Variants in CDH12 observed in about 807,000 individuals in gnomAD.
CDH12 encodes the protein cadherin-12.
Under a neutral mutation model 74.1 loss-of-function variants are expected in CDH12, and 41 were observed. That is an observed-to-expected ratio of 0.55 (90% CI 0.43 to 0.72). The LOEUF (loss-of-function observed/expected upper bound fraction) is 0.72, where lower values mean the gene tolerates loss of function less well. Ranked by LOEUF, CDH12 falls within the 30% of genes least tolerant of loss-of-function variation. The probability of loss-of-function intolerance (pLI) is 0.00; values close to 1 mark genes in which losing one functional copy is unlikely to be tolerated. For synonymous variants in CDH12, 399 were observed against 355.0 expected (o/e 1.12, Z -1.39); for missense variants, 945 against 977.2 (o/e 0.97, Z 0.44).
chr5:22,512,826 G>C (rs1040977046), intron 1 of CDH12, among the ~76,000 whole-genome samples: 1 of 152,142 alleles, frequency 6.6e-6, no homozygotes, highest in South Asian at 2.1e-4. Context: ...ACTTTGGGAG[G>C]CCTAGTCGGG....
chr5:22,074,380 T>C (rs1471501815), intron 5 of CDH12, among the ~76,000 whole-genome samples: 2 of 152,092 alleles, frequency 1.3e-5, no homozygotes, highest in Non-Finnish European at 2.9e-5. Context: ...ACCTAGGTAA[T>C]ACAATTCAGG....
At chr5:22,218,092 G>A (rs140861633) in intron 3 of CDH12, among the ~76,000 whole-genome samples, 7 of 151,612 alleles carry the variant, frequency 4.6e-5, no homozygotes, top group African/African-American at 1.2e-4. Flanking sequence ...CTCTCATTAC[G>A]TCAAGTGTCA....
At chr5:22,001,287 C>T (rs958875818) in intron 5 of CDH12, among the ~76,000 whole-genome samples, 7 of 151,860 alleles carry the variant, frequency 4.6e-5, no homozygotes, top group Admixed American at 2.6e-4. Flanking sequence ...TGCTAGAGGC[C>T]TACCCGATAT....
rs1202435819 is a variant in CDH12, at chr5:22,801,666, TATATATATATATATATATAC to T, written c.-523+51372_-523+51391del. 9.2e-3 allele frequency among the ~76,000 whole-genome samples: 1,124 copies of T among 122,206 alleles called. 29 individuals are homozygous for T. The highest frequency in any genetic ancestry group is 0.041 in the African/African-American group (1,060 of 25,760). 80.2% of individuals were successfully genotyped at this position (122,206 alleles called of 152,430 possible). ...ATATATATATATATATATATATATA[TATATATATATATATATATAC>T]ACTTTGTTTAATAGGGAGAACACAT... On this transcript the variant is annotated intron_variant, in intron 1 of 14. Coordinates refer to ENST00000382254, the MANE Select transcript of CDH12 (RefSeq NM_004061.5).
At chr5:22,427,648 A>T (rs762115485) in intron 2 of CDH12, among the ~76,000 whole-genome samples, 14 of 152,180 alleles carry the variant, frequency 9.2e-5, no homozygotes, top group South Asian at 2.1e-4. Flanking sequence ...AGGGACTTCA[A>T]GAGTTAAGGC....
chr5:22,177,362 A>G (rs1415853983), intron 4 of CDH12, among the ~76,000 whole-genome samples: 2 of 152,144 alleles, frequency 1.3e-5, no homozygotes, highest in African/African-American at 4.8e-5. Context: ...GTTTCCTGTA[A>G]TTTGGGTGTG....
chr5:21,994,883 G>A (rs1298705173), intron 5 of CDH12, among the ~76,000 whole-genome samples: 1 of 152,150 alleles, frequency 6.6e-6, no homozygotes, highest in Non-Finnish European at 1.5e-5. Flanking sequence ...GCAGGATGTG[G>A]GCAGGGCCAA....
intron 6 of CDH12, among the ~76,000 whole-genome samples, chr5:21,868,591 T>C (rs1263012732): frequency 6.6e-6 from 1 of 152,228 alleles, no homozygotes. Flanking sequence ...TTTACCCTGT[T>C]GGGCTTTGGA....
intron 3 of CDH12, among the ~76,000 whole-genome samples, chr5:22,335,445 C>T (rs543646991): frequency 3.9e-5 from 6 of 152,138 alleles, no homozygotes; most frequent in Admixed American, 2.6e-4. Flanking sequence ...ATTGGCCAGA[C>T]GTGGTGGCAG....
intron 5 of CDH12, among the ~76,000 whole-genome samples, chr5:22,073,202 T>C (rs900997699): frequency 1.3e-5 from 2 of 152,142 alleles, no homozygotes; most frequent in African/African-American, 4.8e-5. Context: ...GTTAAATAAA[T>C]GGATGTCTCT....
chr5:22,527,065 T>C (rs1580734275), intron 1 of CDH12, among the ~76,000 whole-genome samples: 1 of 152,156 alleles, frequency 6.6e-6, no homozygotes, highest in Non-Finnish European at 1.5e-5. Context: ...TTGAGTCTTA[T>C]AGAATTAGTG....
At chr5:21,926,132 T>G (rs1353286111) in intron 6 of CDH12, among the ~76,000 whole-genome samples, 2 of 152,202 alleles carry the variant, frequency 1.3e-5, no homozygotes, top group African/African-American at 4.8e-5. Flanking sequence ...TTTGATGTGT[T>G]GTGCATATTT....
chr5:22,531,877 C>A (rs1737598691), intron 1 of CDH12, among the ~76,000 whole-genome samples: 1 of 152,124 alleles, frequency 6.6e-6, no homozygotes, highest in Non-Finnish European at 1.5e-5. Flanking sequence ...AAAGCAACTC[C>A]TTCCACACCA....
intron 1 of CDH12, among the ~76,000 whole-genome samples, chr5:22,578,754 CA>C (rs1257174857): frequency 1.3e-5 from 2 of 151,880 alleles, no homozygotes; most frequent in Admixed American, 6.6e-5. Context: ...GGGAGGGTAA[CA>C]GGGGTAAAAA....
intron 3 of CDH12, among the ~76,000 whole-genome samples, chr5:22,348,035 A>C (rs759159181): frequency 1.3e-5 from 2 of 152,204 alleles, no homozygotes; most frequent in Non-Finnish European, 2.9e-5. Context: ...ACCAAAGCTC[A>C]TGCCCAGAGA....
intron 13 of CDH12, among the ~76,000 whole-genome samples, chr5:21,759,097 A>G (rs1744566813): frequency 1.3e-5 from 2 of 152,162 alleles, no homozygotes; most frequent in African/African-American, 4.8e-5. Flanking sequence ...ACAAAGTGCT[A>G]GGATTCAGTG....
intron 3 of CDH12, among the ~76,000 whole-genome samples, chr5:22,369,372 C>T (rs146308578): frequency 7.2e-5 from 11 of 152,084 alleles, no homozygotes; most frequent in African/African-American, 2.6e-4. Context: ...AAAAAATAGA[C>T]TTTCTTTAAA....
intron 4 of CDH12, among the ~76,000 whole-genome samples, chr5:22,180,719 TCGAACTCCTGACCTCAAGTGA>T (rs1400267120): frequency 1.3e-5 from 2 of 151,994 alleles, no homozygotes; most frequent in Non-Finnish European, 2.9e-5. Flanking sequence ...CAGGCTGGTC[TCGAACTCCTGACCTCAAGTGA>T]TCTGTCTGTC....
rs559086968 is a variant in CDH12 at position 21,857,893 on chromosome 5, A to G, written c.527-3103T>C. Among the ~76,000 whole-genome samples, 7 of 151,700 alleles carry G rather than the reference A, an allele frequency of 4.6e-5. No homozygotes were observed. The South Asian group carries it at 1.5e-3, about 32-fold the overall frequency. On this transcript the variant is annotated intron_variant, in intron 6 of 14. Coordinates refer to ENST00000382254, the MANE Select transcript of CDH12 (RefSeq NM_004061.5). The stretch of plus-strand genomic sequence containing the variant: ...GCAGAAAAATTGGGTTTCTGATGAG[A>G]CCTCTCTTCCTGGCTTCTCACTGTG...
Sources: gnomAD v4.1 joint callset for allele counts (sites outside exome capture counted in the v4.1 genomes callset) on GRCh38, gnomAD v4.1.1 for gene constraint, MANE v1.5 for transcripts, NCBI Gene and HGNC (gene_info 2026-07-23, HGNC 2026-07-21) for gene names.